Variants in NEK11 observed in about 807,000 individuals in gnomAD.
NEK11 encodes serine/threonine-protein kinase Nek11.
A neutral mutation model predicts 80.7 loss-of-function variants in NEK11; 72 were observed. The ratio of observed to expected loss-of-function variants is 0.89; its 90% CI spans 0.74 to 1.08. The LOEUF (loss-of-function observed/expected upper bound fraction) is 1.08. Ranked by LOEUF, NEK11 falls within the 50% of genes least tolerant of loss-of-function variation. The pLI is 0.00. For missense variants in NEK11, 764 were observed against 763.6 expected, an observed-to-expected ratio of 1.00 and a Z score of -0.01; for synonymous variants, 251 against 260.7, an observed-to-expected ratio of 0.96 and a Z score of 0.36.
At chr3:131,114,796 C>T (rs377766141) in intron 5 of NEK11, among the ~76,000 whole-genome samples, 2 of 152,142 alleles carry the variant, frequency 1.3e-5, no homozygotes, top group Admixed American at 6.5e-5. Context: ...ATAGGCTTGT[C>T]TACAAAGCAT....
At chr3:131,243,931 A>G (rs577103722) in intron 16 of NEK11, among the ~76,000 whole-genome samples, 2 of 152,228 alleles carry the variant, frequency 1.3e-5, no homozygotes, top group South Asian at 4.2e-4. Context: ...AAACTTGTTT[A>G]GCATTGTCAG....
At chr3:131,314,662 T>C (rs2096818429) in intron 17 of NEK11, among the ~76,000 whole-genome samples, 1 of 152,154 alleles carries the variant, frequency 6.6e-6, no homozygotes. Flanking sequence ...CTGGCACAAC[T>C]TGCCTGCCCA....
rs80351084 is a variant in NEK11, at chr3:131,143,900, T to C, written c.648-8488T>C. On this transcript the variant is annotated intron_variant, in intron 7 of 17. Coordinates refer to ENST00000383366, the MANE Select transcript of NEK11 (RefSeq NM_024800.5). ...TCTTTTATTACATTTCCATTACTGT[T>C]TCCATAGATTGAACTGATTCCTCTT... Among the ~76,000 whole-genome samples the C allele has an allele frequency of 4.7e-3, 709 of 152,278 alleles. 4 individuals are homozygous for C. The highest frequency in any genetic ancestry group is 0.015 in the African/African-American group (644 of 41,556).
In NEK11 at chr3:131,349,927, A is replaced by T. The variant is rs1490064551; in HGVS notation, c.*151A>T. On this transcript the variant is annotated 3_prime_UTR_variant, in exon 18 of 18. Coordinates refer to ENST00000383366, the MANE Select transcript of NEK11 (RefSeq NM_024800.5). ...CCTCATCAGAAGTACTGGCTTCTTT[A>T]GAGAGTAGTAAGCATGGCTGCCTAT... 1 of 632,278 alleles carries T rather than the reference A, an allele frequency of 1.6e-6. No individual in the cohort carries two copies. The highest frequency in any genetic ancestry group is 2.7e-6 in the Non-Finnish European group (1 of 364,368). 39.2% of individuals were successfully genotyped at this position (632,278 alleles called of 1,614,324 possible). A position where few individuals can be genotyped will look rare whatever the true frequency, so the allele number is the denominator to read the frequency against.
chr3:131,143,336 C>A (rs1274934438), intron 7 of NEK11, among the ~76,000 whole-genome samples: 1 of 152,160 alleles, frequency 6.6e-6, no homozygotes, highest in Non-Finnish European at 1.5e-5. Context: ...GTCCCTTGAT[C>A]ACTCCATTGC....
At chr3:131,199,128 A>G (rs2094136974) in intron 14 of NEK11, among the ~76,000 whole-genome samples, 1 of 152,230 alleles carries the variant, frequency 6.6e-6, no homozygotes, top group Non-Finnish European at 1.5e-5. Flanking sequence ...AAATTTCTAT[A>G]TAGCAAAAGA....
At chr3:131,340,216 A>T (rs1277930198) in intron 17 of NEK11, among the ~76,000 whole-genome samples, 1 of 152,248 alleles carries the variant, frequency 6.6e-6, no homozygotes, top group Non-Finnish European at 1.5e-5. Context: ...CACACAAAGT[A>T]TGAGTGGGGG....
At chr3:131,336,218 A>G (rs1189671609) in intron 17 of NEK11, among the ~76,000 whole-genome samples, 1 of 152,206 alleles carries the variant, frequency 6.6e-6, no homozygotes, top group Non-Finnish European at 1.5e-5. Flanking sequence ...ACTTCAAACT[A>G]TACTACAAGG....
At chr3:131,093,115 T>C (rs2076957480) in intron 4 of NEK11, among the ~76,000 whole-genome samples, 1 of 152,156 alleles carries the variant, frequency 6.6e-6, no homozygotes, top group Non-Finnish European at 1.5e-5. Flanking sequence ...AAATATATCC[T>C]GGAGGGGCAC....
intron 17 of NEK11, among the ~76,000 whole-genome samples, chr3:131,316,548 T>C (rs1181083792): frequency 6.6e-6 from 1 of 152,258 alleles, no homozygotes; most frequent in East Asian, 1.9e-4. Flanking sequence ...TAAATGAGAA[T>C]ATATGCATTA....
intron 5 of NEK11, among the ~76,000 whole-genome samples, chr3:131,115,819 A>T (rs1464818025): frequency 6.6e-6 from 1 of 152,090 alleles, no homozygotes; most frequent in Non-Finnish European, 1.5e-5. Flanking sequence ...CGGCTTCCTC[A>T]TCACCTCACT....
intron 14 of NEK11, among the ~76,000 whole-genome samples, chr3:131,217,302 C>T (rs528726815): frequency 7.2e-5 from 11 of 152,002 alleles, no homozygotes; most frequent in East Asian, 1.9e-4. Flanking sequence ...TTAATAGTGC[C>T]GGGGAAGGCA....
At chr3:131,044,391 A>G (rs551341362) in intron 3 of NEK11, among the ~76,000 whole-genome samples, 20 of 126,050 alleles carry the variant, frequency 1.6e-4, no homozygotes, top group Non-Finnish European at 3.1e-4. Flanking sequence ...AAAACAAAGG[A>G]TGGAGGACTA....
At chr3:131,349,473 TA>T in intron 17 of NEK11, 83 bp from the exon 18 acceptor site, 2 of 1,164,838 alleles carry the variant, frequency 1.7e-6, no homozygotes, top group Non-Finnish European at 2.5e-6. Context: ...ACAATGTTTG[TA>T]AAATCAATGA....
At chr3:131,331,958 C>G (rs993848066) in intron 17 of NEK11, among the ~76,000 whole-genome samples, 1 of 152,172 alleles carries the variant, frequency 6.6e-6, no homozygotes, top group Non-Finnish European at 1.5e-5. Flanking sequence ...ACAAAGCAGC[C>G]GGGAAGCTTG....
chr3:131,116,583 A>G lies in NEK11; in HGVS notation c.455+6662A>G, dbSNP rs375960857. Among the ~76,000 whole-genome samples the G allele has an allele frequency of 4.5e-3, 686 of 152,162 alleles. 4 individuals carry two copies. Among genetic ancestry groups the G allele is most frequent in the Middle Eastern group, 0.01 (3 of 292 alleles). ...TCCACAATGGTTGAACTAGTTTACAATCCCACCAACAGTGTAAAAGTGTTC... is the reference window on the plus strand; with the variant it reads ...TCCACAATGGTTGAACTAGTTTACAGTCCCACCAACAGTGTAAAAGTGTTC... On this transcript the variant is annotated intron_variant, in intron 5 of 17. Transcript: ENST00000383366.
chr3:131,081,243 G>A (rs1332028367), intron 4 of NEK11, among the ~76,000 whole-genome samples: 1 of 152,198 alleles, frequency 6.6e-6, no homozygotes, highest in African/African-American at 2.4e-5. Context: ...ACAGATGCTT[G>A]GTTAGAGTAG....
intron 3 of NEK11, among the ~76,000 whole-genome samples, chr3:131,065,356 C>A (rs1389277591): frequency 6.6e-6 from 1 of 152,156 alleles, no homozygotes; most frequent in Non-Finnish European, 1.5e-5. Flanking sequence ...TAGCTCTGTC[C>A]ATCTCCTTGT....
chr3:131,281,618 T>G (rs1406971954), intron 17 of NEK11, among the ~76,000 whole-genome samples: 2 of 152,202 alleles, frequency 1.3e-5, no homozygotes, highest in Non-Finnish European at 2.9e-5. Flanking sequence ...ATCTTTGAGA[T>G]AGATTTCTAG....
Sources: gnomAD v4.1 joint callset for allele counts (sites outside exome capture counted in the v4.1 genomes callset) on GRCh38, gnomAD v4.1.1 for gene constraint, MANE v1.5 for transcripts, NCBI Gene and HGNC (gene_info 2026-07-23, HGNC 2026-07-21) for gene names.